KLHL29: variants seen among roughly 807,000 people sequenced by gnomAD.
The protein encoded by KLHL29 is kelch like family member 29.
KLHL29 carries 21 observed loss-of-function variants against 80.4 expected under a neutral mutation model. That is an observed-to-expected ratio of 0.26 (90% CI 0.19 to 0.38). The LOEUF (loss-of-function observed/expected upper bound fraction) is 0.38, where lower values mean the gene tolerates loss of function less well. Among genes scored for constraint, KLHL29 ranks in the 10% least tolerant of loss-of-function variants. KLHL29 has a pLI of 1.00. For synonymous variants in KLHL29, 511 were observed against 526.8 expected (o/e 0.97, Z 0.41); for missense variants, 867 against 1,223.9 (o/e 0.71, Z 4.35).
chr2:23,581,650 AC>A (rs995795034), intron 3 of KLHL29, among the ~76,000 whole-genome samples: 7 of 151,880 alleles, frequency 4.6e-5, no homozygotes, highest in South Asian at 2.1e-4. Flanking sequence ...ACATGGTGAA[AC>A]CCCATCTCTA....
chr2:23,420,212 C>T (rs1419265468), intron 1 of KLHL29, among the ~76,000 whole-genome samples: 5 of 152,162 alleles, frequency 3.3e-5, no homozygotes, highest in African/African-American at 7.2e-5. Flanking sequence ...TAAGAACAAT[C>T]CCTCAGCCAT....
At chr2:23,559,817 G>A (rs1653718) in intron 2 of KLHL29, among the ~76,000 whole-genome samples, 103,632 of 151,688 alleles carry the variant, frequency 0.68, 35,752 homozygotes, top group East Asian at 0.8. Flanking sequence ...GAGATCATCC[G>A]GGGAGAAGAG....
At chr2:23,507,841 T>C (rs1665648428) in intron 2 of KLHL29, among the ~76,000 whole-genome samples, 1 of 152,188 alleles carries the variant, frequency 6.6e-6, no homozygotes, top group Non-Finnish European at 1.5e-5. Context: ...GGCTAAAAGG[T>C]CGCTAAGATC....
chr2:23,602,459 T>C (rs1373670745), intron 3 of KLHL29, among the ~76,000 whole-genome samples: 2 of 152,132 alleles, frequency 1.3e-5, no homozygotes, highest in African/African-American at 2.4e-5. Context: ...TGGAAGCTCT[T>C]CCTCACTCTG....
chr2:23,601,066 C>T (rs542702528), intron 3 of KLHL29, among the ~76,000 whole-genome samples: 9 of 152,318 alleles, frequency 5.9e-5, no homozygotes, highest in African/African-American at 2.2e-4. Context: ...TAATCTGCAG[C>T]TCACAGATGT....
At chr2:23,601,565 CTG>C (rs1668573329) in intron 3 of KLHL29, among the ~76,000 whole-genome samples, 1 of 152,192 alleles carries the variant, frequency 6.6e-6, no homozygotes. Context: ...AGGCCAGGGT[CTG>C]TGAGAGCTTA....
At chr2:23,613,714 A>G (rs779812315) in intron 3 of KLHL29, among the ~76,000 whole-genome samples, 6 of 139,766 alleles carry the variant, frequency 4.3e-5, no homozygotes, top group Non-Finnish European at 7.6e-5. Context: ...CAGTGAGCCG[A>G]GATCGCGCCA....
At chr2:23,604,488 G>T (rs731807) in intron 3 of KLHL29, among the ~76,000 whole-genome samples, 42 of 152,220 alleles carry the variant, frequency 2.8e-4, no homozygotes, top group African/African-American at 9.6e-4. Flanking sequence ...AGTGTCACAG[G>T]GGGAGAGACT....
chr2:23,614,441 G>A (rs935541559), intron 3 of KLHL29, among the ~76,000 whole-genome samples: 6 of 152,042 alleles, frequency 3.9e-5, no homozygotes, highest in Non-Finnish European at 7.4e-5. Context: ...AACTAGAAGG[G>A]AAAAAATGAA....
At chr2:23,670,458 A>C (rs1053160642) in intron 5 of KLHL29, among the ~76,000 whole-genome samples, 1 of 152,080 alleles carries the variant, frequency 6.6e-6, no homozygotes, top group Non-Finnish European at 1.5e-5. Flanking sequence ...GCACCGAAGC[A>C]GTGTTCCACC....
At chr2:23,577,766 A>G (rs1667880677) in intron 3 of KLHL29, among the ~76,000 whole-genome samples, 2 of 151,944 alleles carry the variant, frequency 1.3e-5, no homozygotes, top group Admixed American at 1.3e-4. Flanking sequence ...AAAAAAAGAA[A>G]AGAAAGATCA....
intron 11 of KLHL29, chr2:23,697,015 A>G: frequency 6.3e-6 from 1 of 159,612 alleles, no homozygotes; most frequent in Non-Finnish European, 1.4e-5. Context: ...CCAGCCACAC[A>G]CACCAGGACA....
chr2:23,691,906 G>T (rs78748802), intron 7 of KLHL29, 30 bp downstream of exon 7: 22 of 1,541,968 alleles, frequency 1.4e-5, no homozygotes, highest in Admixed American at 2.0e-5. Flanking sequence ...ATGTCGCTTG[G>T]GGGGAAGAGT....
rs565986789 is a variant in KLHL29, at chr2:23,691,499, ACT to A, written c.1080-172_1080-171del. On this transcript the variant is annotated intron_variant, in intron 6 of 13. Transcript: ENST00000486442. ...TGTTCTTTTGGGCGTCTCTGGTCAG[ACT>A]CTTCTCTTTCAGATCCCGTGTCACA... The A allele has an allele frequency of 1.9e-4, 113 of 608,726 alleles. No individual in the cohort carries two copies. The African/African-American group carries it at 1.9e-3, about 10-fold the overall frequency. The allele number at this position is 608,726 out of a possible 1,614,324, so 37.7% of individuals were successfully genotyped here. A position where few individuals can be genotyped will look rare whatever the true frequency, so the allele number is the denominator to read the frequency against.
chr2:23,645,730 T>A (rs1316577728), intron 5 of KLHL29, among the ~76,000 whole-genome samples: 1 of 152,238 alleles, frequency 6.6e-6, no homozygotes, highest in African/African-American at 2.4e-5. Context: ...TCACATTTTG[T>A]TTCTTGTAAT....
chr2:23,673,177 G>A (rs972159454), intron 5 of KLHL29, among the ~76,000 whole-genome samples: 4 of 151,556 alleles, frequency 2.6e-5, no homozygotes, highest in African/African-American at 7.3e-5. Context: ...GCACAGACAC[G>A]CACCCATGCC....
In KLHL29 at chr2:23,684,626, G is replaced by A; in HGVS notation, c.1079+89G>A. On this transcript the variant is annotated intron_variant, in intron 6 of 13. Coordinates refer to ENST00000486442, the MANE Select transcript of KLHL29 (RefSeq NM_052920.2). The surrounding 1 kb of genome is among the most constrained non-coding windows in gnomAD (Gnocchi z 4.4). ...CTCTTCCCCTCTCTTGCAGGTTCCTGAAGCGTGACTCCCTGTCACAGAGCC... is the reference window on the plus strand; with the variant it reads ...CTCTTCCCCTCTCTTGCAGGTTCCTAAAGCGTGACTCCCTGTCACAGAGCC... 3 of 1,190,620 alleles carry A rather than the reference G, an allele frequency of 2.5e-6. No homozygotes were observed. The highest frequency in any genetic ancestry group is 1.1e-6 in the Non-Finnish European group (1 of 870,356). 73.8% of individuals were successfully genotyped at this position (1,190,620 alleles called of 1,614,324 possible).
In KLHL29 at chr2:23,562,190, C is replaced by G; in HGVS notation, c.-7C>G. ...TTCCCTGTGAGAAGCCGCCTCGGCC[C>G]ACCGAGATGTCCCGGCACCATAGCC... On this transcript the variant is annotated 5_prime_UTR_variant, in exon 3 of 14. Transcript: ENST00000486442. This position sits in a 1 kb window ranked among gnomAD's most constrained non-coding sequence, Gnocchi z 4.5. The G allele has an allele frequency of 6.5e-7, 1 of 1,550,368 alleles. No homozygotes were observed. Among genetic ancestry groups the G allele is most frequent in the South Asian group, 1.2e-5 (1 of 84,058 alleles).
intron 2 of KLHL29, among the ~76,000 whole-genome samples, chr2:23,560,433 A>G (rs1326877460): frequency 6.6e-6 from 1 of 151,908 alleles, no homozygotes; most frequent in Non-Finnish European, 1.5e-5. Context: ...GCCACTCCCA[A>G]CTAATTTTAG....
Sources: gnomAD v4.1 joint callset for allele counts (sites outside exome capture counted in the v4.1 genomes callset) on GRCh38, gnomAD v4.1.1 for gene constraint, Gnocchi (gnomAD v3.1) non-coding constraint, MANE v1.5 for transcripts, NCBI Gene and HGNC (gene_info 2026-07-23, HGNC 2026-07-21) for gene names.